RBFOX1: variants seen among roughly 807,000 people sequenced by gnomAD.
RBFOX1 encodes RNA binding fox-1 homolog 1, also known as RNA binding protein fox-1 homolog 1.
In RBFOX1, 8 loss-of-function variants were observed where a neutral mutation model predicts 57.7. That is an observed-to-expected ratio of 0.14 (90% CI 0.08 to 0.25). The LOEUF (loss-of-function observed/expected upper bound fraction) is 0.25, where lower values mean the gene tolerates loss of function less well. Among genes scored for constraint, RBFOX1 ranks in the 10% least tolerant of loss-of-function variants. The pLI is 1.00. For synonymous variants in RBFOX1, 326 were observed against 222.4 expected, an observed-to-expected ratio of 1.47 and a Z score of -4.15; for missense variants, 611 against 548.5, an observed-to-expected ratio of 1.11 and a Z score of -1.14.
chr16:6,667,931 T>G (rs1224811811), intron 3 of RBFOX1, among the ~76,000 whole-genome samples: 1 of 152,124 alleles, frequency 6.6e-6, no homozygotes, highest in Non-Finnish European at 1.5e-5. Context: ...GCTGCCTGAT[T>G]ATTACACTTA....
chr16:7,441,193 T>C (rs2149882760), intron 4 of RBFOX1, among the ~76,000 whole-genome samples: 1 of 152,320 alleles, frequency 6.6e-6, no homozygotes, highest in East Asian at 1.9e-4. Flanking sequence ...AGGAAATTAA[T>C]GCTGCATGCG....
chr16:6,482,063 G>T (rs937869220), intron 2 of RBFOX1, among the ~76,000 whole-genome samples: 3 of 152,116 alleles, frequency 2.0e-5, no homozygotes. Flanking sequence ...ATATTTGAAA[G>T]ATTTATTAGC....
chr16:6,978,069 G>A (rs1172622112), intron 3 of RBFOX1, among the ~76,000 whole-genome samples: 1 of 65,952 alleles, frequency 1.5e-5, no homozygotes, highest in Non-Finnish European at 2.9e-5. Flanking sequence ...CCCGTACCCC[G>A]CCCCCCTTCA....
rs545779938 is a variant in RBFOX1, at chr16:7,029,168, A to G, written c.-15-22889A>G. On this transcript the variant is annotated intron_variant, in intron 3 of 15. Transcript: ENST00000550418. Reference sequence around the variant, plus strand: ...TATATATGTATATATATACACATATATATACGTATACGTGTATATATACAC... The same window carrying G: ...TATATATGTATATATATACACATATGTATACGTATACGTGTATATATACAC... Among the ~76,000 whole-genome samples the G allele has an allele frequency of 3.2e-5, 4 of 125,678 alleles. No individual in the cohort carries two copies. The South Asian group carries it at 8.2e-4, about 26-fold the overall frequency. The allele number at this position is 125,678 out of a possible 152,430, so 82.4% of individuals were successfully genotyped here. A position where few individuals can be genotyped will look rare whatever the true frequency, so the allele number is the denominator to read the frequency against.
chr16:6,089,825 T>G (rs940242470), intron 1 of RBFOX1, among the ~76,000 whole-genome samples: 1 of 152,228 alleles, frequency 6.6e-6, no homozygotes, highest in Non-Finnish European at 1.5e-5. Flanking sequence ...ACCATCGCTT[T>G]GCATAAATCA....
intron 3 of RBFOX1, among the ~76,000 whole-genome samples, chr16:6,899,796 A>G (rs1289148909): frequency 6.6e-6 from 1 of 152,208 alleles, no homozygotes; most frequent in Non-Finnish European, 1.5e-5. Context: ...TGAAGTATGG[A>G]CACCTTTTCA....
chr16:7,637,978 G>A (rs1482148859), intron 11 of RBFOX1, among the ~76,000 whole-genome samples: 1 of 152,098 alleles, frequency 6.6e-6, no homozygotes, highest in East Asian at 1.9e-4. Flanking sequence ...GATCCCATAT[G>A]GCTTAATCCA....
At chr16:5,993,175 A>G (rs1042084668) in intron 4 of RBFOX1, among the ~76,000 whole-genome samples, 2 of 152,162 alleles carry the variant, frequency 1.3e-5, no homozygotes, top group African/African-American at 2.4e-5. Flanking sequence ...CCACTTACAC[A>G]TGATAAATAA....
chr16:6,900,127 C>A (rs544309631), intron 3 of RBFOX1, among the ~76,000 whole-genome samples: 7 of 151,470 alleles, frequency 4.6e-5, no homozygotes, highest in African/African-American at 9.8e-5. Flanking sequence ...TTGAGTTTTT[C>A]TTTAGTTATT....
intron 2 of RBFOX1, among the ~76,000 whole-genome samples, chr16:5,589,096 G>A (rs1254310021): frequency 6.6e-6 from 1 of 152,208 alleles, no homozygotes; most frequent in Non-Finnish European, 1.5e-5. Flanking sequence ...GGGGTGGGAA[G>A]AAACCGCCTC....
chr16:5,413,318 G>A (rs374513896), intron 1 of RBFOX1, among the ~76,000 whole-genome samples: 14 of 152,120 alleles, frequency 9.2e-5, no homozygotes, highest in South Asian at 8.3e-4. Flanking sequence ...TCTTTCTTTC[G>A]TTTCCCAGAA....
intron 1 of RBFOX1, among the ~76,000 whole-genome samples, chr16:6,044,949 T>G (rs150331371): frequency 8.7e-4 from 132 of 152,352 alleles, no homozygotes; most frequent in African/African-American, 3.1e-3. Context: ...TTGTGCTATG[T>G]CAGTGGCTCT....
At chr16:5,406,226 G>T (rs1368330653) in intron 1 of RBFOX1, among the ~76,000 whole-genome samples, 8 of 152,238 alleles carry the variant, frequency 5.3e-5, no homozygotes, top group African/African-American at 1.9e-4. Context: ...GTGATGGCGG[G>T]GGGGATTTCC....
chr16:7,046,837 C>G (rs888942216), intron 3 of RBFOX1, among the ~76,000 whole-genome samples: 3 of 151,890 alleles, frequency 2.0e-5, no homozygotes, highest in African/African-American at 7.3e-5. Context: ...AACTCCTAAC[C>G]TCAGGTGATC....
intron 2 of RBFOX1, among the ~76,000 whole-genome samples, chr16:6,533,236 C>T (rs1482727856): frequency 6.6e-6 from 1 of 152,214 alleles, no homozygotes; most frequent in East Asian, 1.9e-4. Context: ...TCTTGATTGT[C>T]TGCAACAGAG....
At chr16:5,701,981 C>T (rs551301802) in intron 3 of RBFOX1, among the ~76,000 whole-genome samples, 3 of 152,142 alleles carry the variant, frequency 2.0e-5, no homozygotes, top group Non-Finnish European at 4.4e-5. Context: ...CTTTCAGTGT[C>T]TAGAAGAATG....
intron 3 of RBFOX1, among the ~76,000 whole-genome samples, chr16:6,699,541 C>A (rs1458106668): frequency 6.6e-6 from 1 of 152,142 alleles, no homozygotes; most frequent in African/African-American, 2.4e-5. Context: ...ACTGGTTGGG[C>A]ACTCCAGTAA....
At chr16:7,206,193 C>T (rs1316796208) in intron 4 of RBFOX1, among the ~76,000 whole-genome samples, 2 of 152,060 alleles carry the variant, frequency 1.3e-5, no homozygotes, top group Non-Finnish European at 2.9e-5. Flanking sequence ...AGACTCATAA[C>T]CTTTCTAGGG....
At chr16:5,344,694 A>C (rs910616381) in intron 1 of RBFOX1, among the ~76,000 whole-genome samples, 46 of 152,320 alleles carry the variant, frequency 3.0e-4, no homozygotes, top group African/African-American at 1.1e-3. Context: ...TTTTATCTGC[A>C]TTCCAAATTA....
Sources: allele counts gnomAD v4.1 joint callset (sites outside exome capture counted in the v4.1 genomes callset), GRCh38; gene constraint gnomAD v4.1.1; transcripts MANE v1.5; gene names NCBI Gene and HGNC (gene_info 2026-07-23, HGNC 2026-07-21).